Variants in THSD4 observed in about 807,000 individuals in gnomAD.
THSD4 encodes the protein thrombospondin type 1 domain containing 4.
THSD4 carries 69 observed loss-of-function variants against 119.0 expected under a neutral mutation model. The ratio of observed to expected loss-of-function variants is 0.58; its 90% CI spans 0.48 to 0.71. THSD4 has a LOEUF of 0.71. THSD4 is among the 30% of genes least tolerant of loss of function. The probability of loss-of-function intolerance (pLI) is 0.00; values close to 1 mark genes in which losing one functional copy is unlikely to be tolerated. For missense variants in THSD4, 1,393 were observed against 1,391.1 expected, an observed-to-expected ratio of 1.00 and a Z score of -0.02; for synonymous variants, 524 against 540.4, an observed-to-expected ratio of 0.97 and a Z score of 0.42.
At chr15:71,436,215 G>A (rs1177783644) in intron 7 of THSD4, among the ~76,000 whole-genome samples, 1 of 152,106 alleles carries the variant, frequency 6.6e-6, no homozygotes, top group Admixed American at 6.6e-5. Context: ...GGGCTTATAG[G>A]GGTTTTAGGC....
At chr15:71,135,332 G>A (rs560147597) in intron 1 of THSD4, among the ~76,000 whole-genome samples, 72 of 144,990 alleles carry the variant, frequency 5.0e-4, no homozygotes, top group African/African-American at 1.8e-3. Context: ...CCTGCACAAT[G>A]TGCACATGTA....
At chr15:71,362,970 TAAAAAAA>T (rs11287381) in intron 6 of THSD4, among the ~76,000 whole-genome samples, 1 of 135,022 alleles carries the variant, frequency 7.4e-6, no homozygotes, top group Non-Finnish European at 1.6e-5. Flanking sequence ...GCTGATGAGC[TAAAAAAA>T]AAAAAAAAAA....
chr15:71,295,049 T>A (rs764998987), intron 6 of THSD4, among the ~76,000 whole-genome samples: 2 of 151,668 alleles, frequency 1.3e-5, no homozygotes, highest in Non-Finnish European at 2.9e-5. Flanking sequence ...CGTCAGGGAA[T>A]GTGAGTGCCC....
chr15:71,683,067 TCA>T (rs1313093047), intron 8 of THSD4, among the ~76,000 whole-genome samples: 1 of 151,494 alleles, frequency 6.6e-6, no homozygotes, highest in Non-Finnish European at 1.5e-5. Flanking sequence ...AACTACAGAC[TCA>T]CACCACCATG....
intron 7 of THSD4, among the ~76,000 whole-genome samples, chr15:71,635,904 C>T (rs1458449245): frequency 6.6e-6 from 1 of 152,160 alleles, no homozygotes; most frequent in Non-Finnish European, 1.5e-5. Context: ...GAAACTGAGG[C>T]TTGGCAAGCT....
intron 7 of THSD4, among the ~76,000 whole-genome samples, chr15:71,413,723 T>G (rs1024141762): frequency 6.6e-6 from 1 of 152,206 alleles, no homozygotes; most frequent in African/African-American, 2.4e-5. Flanking sequence ...GAGCAAACCC[T>G]GAAAGAATTA....
At chr15:71,457,406 A>G (rs1436147769) in intron 7 of THSD4, among the ~76,000 whole-genome samples, 2 of 150,946 alleles carry the variant, frequency 1.3e-5, no homozygotes, top group African/African-American at 2.4e-5. Flanking sequence ...AAAAAAAGCC[A>G]AGATGGTAAT....
At chr15:71,650,732 G>A (rs940720860) in intron 7 of THSD4, among the ~76,000 whole-genome samples, 1 of 152,290 alleles carries the variant, frequency 6.6e-6, no homozygotes, top group African/African-American at 2.4e-5. Flanking sequence ...GTTTACAGGA[G>A]ACTATAAAAC....
chr15:71,467,224 A>G (rs996103397), intron 7 of THSD4, among the ~76,000 whole-genome samples: 23 of 152,224 alleles, frequency 1.5e-4, no homozygotes, highest in African/African-American at 5.5e-4. Flanking sequence ...AAAGATTAGG[A>G]TGATCATGAG....
intron 4 of THSD4, among the ~76,000 whole-genome samples, chr15:71,230,171 G>T (rs184851569): frequency 2.0e-5 from 3 of 152,100 alleles, no homozygotes; most frequent in African/African-American, 7.2e-5. Context: ...CTTAGCACCT[G>T]CCCTGGTCAG....
intron 4 of THSD4, among the ~76,000 whole-genome samples, chr15:71,228,733 G>T (rs898631309): frequency 2.0e-5 from 3 of 152,018 alleles, no homozygotes; most frequent in African/African-American, 7.2e-5. Context: ...CTCCCTTCCT[G>T]CTCCCAACTC....
intron 4 of THSD4, among the ~76,000 whole-genome samples, chr15:71,220,829 T>C (rs1173426381): frequency 6.6e-6 from 1 of 152,144 alleles, no homozygotes; most frequent in Admixed American, 6.5e-5. Context: ...GACCCTAGTG[T>C]CTGTGCTCCC....
intron 6 of THSD4, among the ~76,000 whole-genome samples, chr15:71,332,737 G>A (rs1034294007): frequency 6.6e-6 from 1 of 152,012 alleles, no homozygotes; most frequent in African/African-American, 2.4e-5. Context: ...TGCCTGATAT[G>A]CAGAGAGTAC....
intron 6 of THSD4, among the ~76,000 whole-genome samples, chr15:71,265,519 C>T (rs1266858776): frequency 6.6e-6 from 1 of 152,176 alleles, no homozygotes. Flanking sequence ...AAGCACAAAA[C>T]TGGGTGGTCA....
chr15:71,384,136 T>G (rs1318098754), intron 6 of THSD4, among the ~76,000 whole-genome samples: 1 of 152,152 alleles, frequency 6.6e-6, no homozygotes, highest in Non-Finnish European at 1.5e-5. Flanking sequence ...TCCCAGCACT[T>G]TGGGAGGCCG....
intron 6 of THSD4, among the ~76,000 whole-genome samples, chr15:71,325,875 CAA>C (rs926721810): frequency 1.3e-5 from 2 of 152,282 alleles, no homozygotes; most frequent in African/African-American, 4.8e-5. Flanking sequence ...ATGATAACAT[CAA>C]AACCAGAACC....
rs1193832967 is a variant in THSD4, at chr15:71,660,734, G to T, written c.1357G>T (p.Ala453Ser). Reference protein sequence around the residue: ...TEMYKSNNYLALRSRSGRSII... With the variant: ...TEMYKSNNYLSLRSRSGRSII... ...GATGTACAAGAGCAACAACTATTTGGGTAAGCTTGGTCTTTTTCCAGAGAA... is the reference window on the plus strand; with the variant it reads ...GATGTACAAGAGCAACAACTATTTGTGTAAGCTTGGTCTTTTTCCAGAGAA... Residue 453 changes from alanine to serine, a missense_variant and splice_region_variant, in exon 8 of 18, where the codon GCC becomes TCC. By Grantham distance (99) the Ala-to-Ser change is moderately conservative. Coordinates refer to ENST00000261862, the MANE Select transcript of THSD4 (RefSeq NM_024817.3). 6.2e-7 allele frequency: 1 copy of T among 1,614,028 alleles called. No individual in the cohort carries two copies. The highest frequency in any genetic ancestry group is 1.1e-5 in the South Asian group (1 of 91,060).
At chr15:71,340,171 G>C (rs1254334851) in intron 6 of THSD4, among the ~76,000 whole-genome samples, 5 of 152,220 alleles carry the variant, frequency 3.3e-5, no homozygotes, top group Non-Finnish European at 5.9e-5. Flanking sequence ...TGTACTGTGT[G>C]TCTCCCTGAC....
In THSD4 at chr15:71,459,223, A is replaced by G. The variant is rs149365225; in HGVS notation, c.1152+47400A>G. On this transcript the variant is annotated intron_variant, in intron 7 of 17. Coordinates refer to ENST00000261862, the MANE Select transcript of THSD4 (RefSeq NM_024817.3). ...GCTCAGGCTGGAGTGCAGTGGTGCA[A>G]TCTTGGCTCACTGCAACCTCCACCT... 5.3e-3 allele frequency among the ~76,000 whole-genome samples: 775 copies of G among 145,588 alleles called. 7 individuals are homozygous for G. Among genetic ancestry groups the G allele is most frequent in the African/African-American group, 0.019 (736 of 38,822 alleles).
Sources: gnomAD v4.1 joint callset for allele counts (sites outside exome capture counted in the v4.1 genomes callset) on GRCh38, gnomAD v4.1.1 for gene constraint, MANE v1.5 for transcripts, NCBI Gene and HGNC (gene_info 2026-07-23, HGNC 2026-07-21) for gene names.